Variants in C6orf52 observed in about 807,000 individuals in gnomAD.
C6orf52 encodes the protein putative uncharacterized protein C6orf52.
A neutral mutation model predicts 16.6 loss-of-function variants in C6orf52; 16 were observed. The ratio of observed to expected loss-of-function variants is 0.96; its 90% CI spans 0.65 to 1.46. The LOEUF is 1.46. Among genes scored for constraint, C6orf52 ranks in the 40% most tolerant of loss-of-function variants. C6orf52 has a pLI of 0.00. For synonymous variants in C6orf52, 53 were observed against 61.4 expected (o/e 0.86, Z 0.64); for missense variants, 166 against 182.3 (o/e 0.91, Z 0.52).
At chr6:10,687,275 A>G (rs1382019381) in intron 2 of C6orf52, 111 bp from the exon 3 acceptor site, 1 of 834,908 alleles carries the variant, frequency 1.2e-6, no homozygotes, top group African/African-American at 1.7e-5. Context: ...TCAAAGCCAT[A>G]GTTTGATACC....
intron 1 of C6orf52, 40 bp from the exon 2 acceptor site, chr6:10,687,601 G>C: frequency 7.8e-7 from 1 of 1,289,604 alleles, no homozygotes; most frequent in South Asian, 1.3e-5. Context: ...TTATTCCTGC[G>C]TCAAAAATCC....
chr6:10,693,271 T>C (rs78263600), intron 1 of C6orf52, among the ~76,000 whole-genome samples: 5,523 of 152,220 alleles, frequency 0.036, 323 homozygotes, highest in African/African-American at 0.12. Flanking sequence ...TGTTCAGGAG[T>C]GCTCTCACCA....
intron 1 of C6orf52, among the ~76,000 whole-genome samples, chr6:10,693,556 A>T (rs1769547462): frequency 6.6e-6 from 1 of 152,220 alleles, no homozygotes; most frequent in South Asian, 2.1e-4. Flanking sequence ...GAAGCACTGT[A>T]TCGCACTTGA....
At chr6:10,684,178 G>A (rs1768652671) in intron 3 of C6orf52, among the ~76,000 whole-genome samples, 1 of 152,168 alleles carries the variant, frequency 6.6e-6, no homozygotes, top group Admixed American at 6.5e-5. Flanking sequence ...ATGGTGGCAT[G>A]CAGCCGGTAG....
intron 4 of C6orf52, among the ~76,000 whole-genome samples, chr6:10,677,836 A>G (rs767379355): frequency 6.6e-6 from 1 of 151,554 alleles, no homozygotes; most frequent in Non-Finnish European, 1.5e-5. Context: ...GCACTCGGTC[A>G]TTTTTTTCTA....
At chr6:10,671,786 G>T (rs1767444345) in intron 4 of C6orf52, among the ~76,000 whole-genome samples, 188 bp from the exon 5 acceptor site, 1 of 152,198 alleles carries the variant, frequency 6.6e-6, no homozygotes, top group African/African-American at 2.4e-5. Context: ...TATAAAAGTA[G>T]TAGTGTCATC....
At chr6:10,692,399 T>C (rs765778745) in intron 1 of C6orf52, among the ~76,000 whole-genome samples, 3 of 152,204 alleles carry the variant, frequency 2.0e-5, no homozygotes, top group Non-Finnish European at 2.9e-5. Context: ...CCTAAAATAA[T>C]TTGATTTTTT....
At chr6:10,681,094 G>C (rs929622514) in intron 4 of C6orf52, among the ~76,000 whole-genome samples, 5 of 152,118 alleles carry the variant, frequency 3.3e-5, no homozygotes, top group African/African-American at 1.2e-4. Flanking sequence ...TTATCCACCA[G>C]GCCTGGCCTG....
rs887287256 is a variant in C6orf52 at position 10,671,528 on chromosome 6, G to A, written c.387C>T (p.Asp129=). The stretch of plus-strand genomic sequence containing the variant: ...GCTGCCAGTGGCAATTCATGAGGGA[G>A]TCGTAGAGTTCTTCACTTTTCACCA... ...EFMVKSEELY[D]SLMNCHWQPL... is the part of the protein sequence containing the mutation. Residue 129 remains aspartate (D), a synonymous_variant, in exon 5 of 5, where the codon GAC becomes GAT. Coordinates refer to ENST00000259983, the MANE Select transcript of C6orf52 (RefSeq NM_001145020.3). 6.5e-7 allele frequency: 1 copy of A among 1,547,914 alleles called. No homozygotes were observed. Among genetic ancestry groups the A allele is most frequent in the East Asian group, 2.4e-5 (1 of 40,876 alleles).
Position 10,671,429 on chromosome 6 carries a change from A to C in C6orf52, c.*27T>G. The C allele has an allele frequency of 6.6e-7, 1 of 1,513,662 alleles. No individual in the cohort carries two copies. The highest frequency in any genetic ancestry group is 2.5e-5 in the East Asian group (1 of 39,934). 93.8% of individuals were successfully genotyped at this position (1,513,662 alleles called of 1,614,324 possible). ...AAAAGACGACACAATTAGTATGATA[A>C]TTGCGGAGTTTAATGAACACCTTGC... On this transcript the variant is annotated 3_prime_UTR_variant, in exon 5 of 5. Transcript: ENST00000259983.
At chr6:10,685,117 A>C (rs1313563944) in intron 3 of C6orf52, among the ~76,000 whole-genome samples, 2 of 152,148 alleles carry the variant, frequency 1.3e-5, no homozygotes, top group East Asian at 1.9e-4. Context: ...GTGACGAAAA[A>C]ATCAAGAAAT....
At chr6:10,686,040 C>T (rs958732099) in intron 3 of C6orf52, among the ~76,000 whole-genome samples, 1 of 152,086 alleles carries the variant, frequency 6.6e-6, no homozygotes, top group Admixed American at 6.5e-5. Flanking sequence ...AGCTAAAAAT[C>T]GCAATGTATC....
At chr6:10,690,748 T>C (rs772183371) in intron 1 of C6orf52, among the ~76,000 whole-genome samples, 1 of 152,182 alleles carries the variant, frequency 6.6e-6, no homozygotes, top group Non-Finnish European at 1.5e-5. Context: ...AACAATATCC[T>C]CTCGTGCTTT....
chr6:10,679,538 A>G (rs1768183726), intron 4 of C6orf52, among the ~76,000 whole-genome samples: 1 of 151,690 alleles, frequency 6.6e-6, no homozygotes, highest in Admixed American at 6.6e-5. Flanking sequence ...CACTTGCTCA[A>G]TGCAGGGCTG....
intron 2 of C6orf52, 54 bp from the exon 3 acceptor site, chr6:10,687,218 A>C (rs1267242244): frequency 7.7e-7 from 1 of 1,298,582 alleles, no homozygotes; most frequent in Non-Finnish European, 1.1e-6. Context: ...AAACCCCCAA[A>C]CCCTTTCTTC....
chr6:10,684,809 G>A (rs1371420464), intron 3 of C6orf52: 1 of 1,228,784 alleles, frequency 8.1e-7, no homozygotes, highest in Non-Finnish European at 1.1e-6. Flanking sequence ...AGACCAAAAT[G>A]GGGATGTGGG....
At chr6:10,684,066 C>T (rs1262417990) in intron 3 of C6orf52, among the ~76,000 whole-genome samples, 1 of 152,190 alleles carries the variant, frequency 6.6e-6, no homozygotes, top group Non-Finnish European at 1.5e-5. Context: ...CTCCCCTTCA[C>T]TCTGAAATAT....
rs573238954 is a variant in C6orf52 at position 10,677,686 on chromosome 6, A to T, written c.316+5501T>A. Among the ~76,000 whole-genome samples, 3 of 151,620 alleles carry T rather than the reference A, an allele frequency of 2.0e-5. No homozygotes were observed. The East Asian group carries it at 5.9e-4, about 30-fold the overall frequency. On this transcript the variant is annotated intron_variant, in intron 4 of 4. Transcript: ENST00000259983. ...AGCTGGGACTACAGGCACGCATGCC[A>T]CTATGCCTGGCTAATTTTTGTATTG...
At chr6:10,681,641 A>G (rs1367437207) in intron 4 of C6orf52, among the ~76,000 whole-genome samples, 2 of 152,216 alleles carry the variant, frequency 1.3e-5, no homozygotes, top group Non-Finnish European at 2.9e-5. Flanking sequence ...CACACTTCCT[A>G]TAAGAAAGGT....
Sources: gnomAD v4.1 joint callset for allele counts (sites outside exome capture counted in the v4.1 genomes callset) on GRCh38, gnomAD v4.1.1 for gene constraint, MANE v1.5 for transcripts, NCBI Gene and HGNC (gene_info 2026-07-23, HGNC 2026-07-21) for gene names.